MED12L: variants seen among roughly 807,000 people sequenced by gnomAD.
MED12L encodes mediator complex subunit 12L.
A neutral mutation model predicts 281.3 loss-of-function variants in MED12L; 60 were observed. The ratio of observed to expected loss-of-function variants is 0.21; its 90% CI spans 0.17 to 0.26. MED12L has a LOEUF of 0.26. MED12L is among the 10% of genes least tolerant of loss of function. MED12L has a pLI of 1.00. For synonymous variants in MED12L, 974 were observed against 987.2 expected, an observed-to-expected ratio of 0.99 and a Z score of 0.25; for missense variants, 2,146 against 2,680.9, an observed-to-expected ratio of 0.80 and a Z score of 4.41.
chr3:151,229,542 G>A (rs1275653652), intron 16 of MED12L, among the ~76,000 whole-genome samples: 4 of 131,624 alleles, frequency 3.0e-5, no homozygotes, highest in Non-Finnish European at 4.6e-5. Context: ...GCAGTGGCAC[G>A]ATCTTGGCTC....
intron 13 of MED12L, among the ~76,000 whole-genome samples, chr3:151,188,914 A>G (rs907667961): frequency 6.6e-6 from 1 of 152,104 alleles, no homozygotes; most frequent in Non-Finnish European, 1.5e-5. Flanking sequence ...CTGCTTCTCT[A>G]CACTCTCTGG....
chr3:151,289,413 T>C (rs1437863155), intron 16 of MED12L, among the ~76,000 whole-genome samples: 1 of 152,220 alleles, frequency 6.6e-6, no homozygotes, highest in Non-Finnish European at 1.5e-5. Flanking sequence ...AGTTATATAC[T>C]GAGAAGAAGT....
At chr3:151,132,598 A>C (rs979334356) in intron 5 of MED12L, among the ~76,000 whole-genome samples, 1 of 152,150 alleles carries the variant, frequency 6.6e-6, no homozygotes, top group Non-Finnish European at 1.5e-5. Context: ...GGTGGTGTCT[A>C]TCGGATTTTT....
chr3:151,152,088 T>G (rs913723231), intron 5 of MED12L, among the ~76,000 whole-genome samples: 2 of 51,476 alleles, frequency 3.9e-5, no homozygotes, highest in Non-Finnish European at 6.4e-5. Flanking sequence ...GAAGGTGGTT[T>G]TTTTTTTTTT....
chr3:151,354,901 C>G (rs1218184578), intron 17 of MED12L, among the ~76,000 whole-genome samples: 1 of 152,138 alleles, frequency 6.6e-6, no homozygotes, highest in South Asian at 2.1e-4. Flanking sequence ...GGATTTTGAT[C>G]TCCTAGGGAG....
chr3:151,109,944 G>T (rs917983124), intron 2 of MED12L, among the ~76,000 whole-genome samples: 2 of 152,102 alleles, frequency 1.3e-5, no homozygotes, highest in Non-Finnish European at 1.5e-5. Context: ...CACGTTTTTG[G>T]GATCTTAGTT....
At chr3:151,429,099 A>T (rs1719174456) in intron 43 of MED12L, among the ~76,000 whole-genome samples, 1 of 152,166 alleles carries the variant, frequency 6.6e-6, no homozygotes, top group African/African-American at 2.4e-5. Context: ...ACTGCCCCTA[A>T]TCCCAGCGGG....
chr3:151,203,510 T>G (rs939129929), intron 16 of MED12L, among the ~76,000 whole-genome samples: 1 of 151,878 alleles, frequency 6.6e-6, no homozygotes, highest in Non-Finnish European at 1.5e-5. Context: ...ATTAAAGATA[T>G]AAGGTGTTTA....
At chr3:151,387,719 A>G (rs1713632777) in intron 36 of MED12L, 91 bp from the exon 37 acceptor site, 2 of 1,473,554 alleles carry the variant, frequency 1.4e-6, no homozygotes, top group Non-Finnish European at 1.8e-6. Context: ...TGCCAGCCAA[A>G]GTGTTCTCTG....
intron 2 of MED12L, among the ~76,000 whole-genome samples, chr3:151,108,222 A>T (rs1331586283): frequency 1.8e-5 from 2 of 112,998 alleles, no homozygotes; most frequent in Non-Finnish European, 3.3e-5. Flanking sequence ...CAGCTGCCTC[A>T]GTTGGTAGGG....
At chr3:151,155,313 C>T (rs1200256271) in intron 5 of MED12L, among the ~76,000 whole-genome samples, 1 of 152,246 alleles carries the variant, frequency 6.6e-6, no homozygotes, top group Non-Finnish European at 1.5e-5. Flanking sequence ...GCATCACATC[C>T]CTCATGGTTG....
chr3:151,380,108 T>TGTA lies in MED12L; in HGVS notation c.4479-1_4480dup, dbSNP rs1185420090. The TGTA allele has an allele frequency of 6.5e-7, 1 of 1,542,320 alleles. No individual in the cohort carries two copies. Among genetic ancestry groups the TGTA allele is most frequent in the Non-Finnish European group, 8.8e-7 (1 of 1,131,704 alleles). ...GATCTGTTGTTATTATTACTTCCTT[T>TGTA]GTAGTATGTCTCTTTTGAGTCAACA... On this transcript the variant is annotated splice_polypyrimidine_tract_variant and splice_region_variant and intron_variant, in intron 31 of 44. Transcript: ENST00000687756.
intron 31 of MED12L, among the ~76,000 whole-genome samples, chr3:151,379,547 C>T (rs79287628): frequency 1.9e-3 from 293 of 152,306 alleles, no homozygotes; most frequent in Non-Finnish European, 3.2e-3. Flanking sequence ...GTTGGAGCTG[C>T]ACACTAGGGG....
At chr3:151,143,178 G>C (rs1488138645) in intron 5 of MED12L, among the ~76,000 whole-genome samples, 2 of 152,142 alleles carry the variant, frequency 1.3e-5, no homozygotes, top group Middle Eastern at 3.2e-3. Context: ...AAGCATTTTT[G>C]CTGTGTTTTA....
In MED12L at chr3:151,430,300, T is replaced by A; in HGVS notation, c.6410T>A (p.Phe2137Tyr). The part of the protein sequence containing the change: ...LQAMQPQQPL[F>Y]PRQGLQQTQQ... ...TCCTTTCTCCTGTCGCCATTACAGT[T>A]TCCCAGGCAAGGCTTGCAGCAGACC... The change falls in exon 44 of 45, where the codon TTT becomes TAT. Residue 2137 changes from phenylalanine to tyrosine, a missense_variant and splice_region_variant. Physicochemically the swap from Phe to Tyr is conservative, Grantham distance 22. Transcript: ENST00000687756. 1.2e-6 allele frequency: 2 copies of A among 1,614,106 alleles called. No individual in the cohort carries two copies. Among genetic ancestry groups the A allele is most frequent in the Non-Finnish European group, 1.7e-6 (2 of 1,179,970 alleles).
At chr3:151,349,712 T>C (rs889154979) in intron 16 of MED12L, among the ~76,000 whole-genome samples, 2 of 152,192 alleles carry the variant, frequency 1.3e-5, no homozygotes, top group Non-Finnish European at 2.9e-5. Context: ...GGGAAAAATA[T>C]GACTAGACAA....
chr3:151,401,532 A>C (rs2108297587), intron 39 of MED12L, among the ~76,000 whole-genome samples: 1 of 152,144 alleles, frequency 6.6e-6, no homozygotes. Flanking sequence ...CTTAATTTGC[A>C]TTGTCCTGAT....
At chr3:151,169,954 C>T (rs1220391510) in intron 11 of MED12L, among the ~76,000 whole-genome samples, 1 of 152,206 alleles carries the variant, frequency 6.6e-6, no homozygotes, top group Admixed American at 6.5e-5. Context: ...CTGAATTTCA[C>T]CCTCCTTGAT....
At chr3:151,092,457 A>T (rs1720180137) in intron 2 of MED12L, among the ~76,000 whole-genome samples, 1 of 152,250 alleles carries the variant, frequency 6.6e-6, no homozygotes. Flanking sequence ...GTGCTCAGTA[A>T]ATACTTCATG....
Sources: gnomAD v4.1 joint callset for allele counts (sites outside exome capture counted in the v4.1 genomes callset) on GRCh38, gnomAD v4.1.1 for gene constraint, MANE v1.5 for transcripts, NCBI Gene and HGNC (gene_info 2026-07-23, HGNC 2026-07-21) for gene names.